Variants in HTR4 observed in about 807,000 individuals in gnomAD.
HTR4 encodes 5-hydroxytryptamine receptor 4.
HTR4 carries 16 observed loss-of-function variants against 36.8 expected under a neutral mutation model. That is an observed-to-expected ratio of 0.43 (90% CI 0.29 to 0.66). HTR4 has a LOEUF of 0.66. Among genes scored for constraint, HTR4 ranks in the 30% least tolerant of loss-of-function variants. The pLI is 0.13. For missense variants in HTR4, 438 were observed against 490.9 expected, an observed-to-expected ratio of 0.89 and a Z score of 1.02; for synonymous variants, 189 against 185.1, an observed-to-expected ratio of 1.02 and a Z score of -0.17.
chr5:148,543,159 G>T (rs1350943241), intron 4 of HTR4, among the ~76,000 whole-genome samples: 2 of 152,094 alleles, frequency 1.3e-5, no homozygotes, highest in Non-Finnish European at 2.9e-5. Flanking sequence ...TTCTTTCCTG[G>T]TGGAAGAACC....
intron 2 of HTR4, among the ~76,000 whole-genome samples, chr5:148,588,527 C>CTTT (rs35749777): frequency 1.4e-3 from 150 of 110,138 alleles, no homozygotes; most frequent in African/African-American, 1.8e-3. Flanking sequence ...GGTTTTAATT[C>CTTT]TTTTTTTTTT....
At chr5:148,507,731 C>T (rs910232792) in intron 6 of HTR4, among the ~76,000 whole-genome samples, 3 of 152,052 alleles carry the variant, frequency 2.0e-5, no homozygotes, top group Non-Finnish European at 4.4e-5. Flanking sequence ...CTTTCTTGGG[C>T]TGCCCTGGAA....
intron 6 of HTR4, among the ~76,000 whole-genome samples, chr5:148,483,617 A>G (rs963188293): frequency 4.6e-5 from 7 of 152,164 alleles, no homozygotes; most frequent in African/African-American, 1.7e-4. Context: ...CAAGCTACAC[A>G]TTCCGATTTT....
chr5:148,553,023 T>C (rs1218383222), intron 2 of HTR4, among the ~76,000 whole-genome samples: 1 of 152,244 alleles, frequency 6.6e-6, no homozygotes, highest in Admixed American at 6.5e-5. Context: ...TGCAGCTATC[T>C]GAGCGCTGTC....
At chr5:148,609,628 C>T (rs1045518500) in intron 2 of HTR4, among the ~76,000 whole-genome samples, 4 of 149,952 alleles carry the variant, frequency 2.7e-5, no homozygotes, top group Admixed American at 1.3e-4. Context: ...TGCAGTGGCG[C>T]GATCTAGGCT....
intron 6 of HTR4, among the ~76,000 whole-genome samples, chr5:148,495,907 G>T (rs544764780): frequency 6.6e-6 from 1 of 152,152 alleles, no homozygotes; most frequent in African/African-American, 2.4e-5. Flanking sequence ...TCGAGACCAG[G>T]CTGGCCAACA....
intron 6 of HTR4, among the ~76,000 whole-genome samples, chr5:148,505,981 T>G (rs1269795596): frequency 6.6e-6 from 1 of 152,142 alleles, no homozygotes; most frequent in Admixed American, 6.5e-5. Context: ...GCCATCCCCA[T>G]CAAGCTACCA....
At chr5:148,490,935 T>C (rs143410253) in intron 6 of HTR4, 11 of 422,692 alleles carry the variant, frequency 2.6e-5, no homozygotes, top group African/African-American at 1.4e-4. Flanking sequence ...TATTTATATG[T>C]CATAAATTCT....
intron 5 of HTR4, among the ~76,000 whole-genome samples, chr5:148,468,888 G>C (rs1196644926): frequency 6.6e-6 from 1 of 152,078 alleles, no homozygotes; most frequent in East Asian, 1.9e-4. Context: ...AGATCTGATA[G>C]TTTTATAAGA....
intron 2 of HTR4, among the ~76,000 whole-genome samples, chr5:148,559,644 C>T (rs979379302): frequency 6.6e-5 from 10 of 152,084 alleles, no homozygotes; most frequent in African/African-American, 2.4e-4. Flanking sequence ...CTCCGATGGA[C>T]AATCTCTGGC....
At chr5:148,555,207 C>G (rs185832756) in intron 2 of HTR4, among the ~76,000 whole-genome samples, 1 of 152,106 alleles carries the variant, frequency 6.6e-6, no homozygotes, top group Non-Finnish European at 1.5e-5. Flanking sequence ...ATCCTTATAA[C>G]ATGAATTCTC....
At chr5:148,521,063 C>T (rs1757990754) in intron 5 of HTR4, 1 of 1,320,210 alleles carries the variant, frequency 7.6e-7, no homozygotes, top group East Asian at 4.7e-5. Flanking sequence ...AATCTCTCCT[C>T]TCCACTCCAC....
chr5:148,600,867 C>A (rs1019676334), intron 2 of HTR4, among the ~76,000 whole-genome samples: 2 of 146,568 alleles, frequency 1.4e-5, no homozygotes, highest in Non-Finnish European at 3.0e-5. Context: ...AAATAAATAG[C>A]CAAATAAATG....
intron 1 of HTR4, chr5:148,645,438 C>A (rs527495137): frequency 6.6e-5 from 10 of 152,194 alleles, no homozygotes; most frequent in African/African-American, 2.4e-4. Flanking sequence ...TTTTCTTGAA[C>A]AATTAAAAAA....
At chr5:148,491,927 A>T (rs576193316) in intron 6 of HTR4, among the ~76,000 whole-genome samples, 2 of 152,222 alleles carry the variant, frequency 1.3e-5, no homozygotes, top group East Asian at 1.9e-4. Flanking sequence ...AACCAGACCC[A>T]ATTAAAATGG....
intron 5 of HTR4, among the ~76,000 whole-genome samples, chr5:148,515,571 T>C (rs1757704290): frequency 6.6e-6 from 1 of 152,164 alleles, no homozygotes; most frequent in Non-Finnish European, 1.5e-5. Flanking sequence ...AATATCATCT[T>C]AATGTTTAAA....
intron 5 of HTR4, among the ~76,000 whole-genome samples, chr5:148,462,467 A>C (rs1195207107): frequency 1.3e-5 from 2 of 151,880 alleles, no homozygotes; most frequent in African/African-American, 2.4e-5. Context: ...AATACACAAG[A>C]AGAAATAGAC....
intron 2 of HTR4, among the ~76,000 whole-genome samples, chr5:148,618,008 C>CCA (rs1328963702): frequency 3.9e-5 from 6 of 152,106 alleles, no homozygotes; most frequent in African/African-American, 1.4e-4. Flanking sequence ...GCAACAGCTT[C>CCA]ATTCCTGGGC....
At chr5:148,518,550 T>C (rs1174529952) in intron 5 of HTR4, among the ~76,000 whole-genome samples, 2 of 152,160 alleles carry the variant, frequency 1.3e-5, no homozygotes, top group African/African-American at 4.8e-5. Flanking sequence ...CCACAGTCAT[T>C]CTCTATAGAG....
Sources: gnomAD v4.1 joint callset for allele counts (sites outside exome capture counted in the v4.1 genomes callset) on GRCh38, gnomAD v4.1.1 for gene constraint, MANE v1.5 for transcripts, NCBI Gene and HGNC (gene_info 2026-07-23, HGNC 2026-07-21) for gene names.